Variants in FGF12 observed in about 807,000 individuals in gnomAD.
The protein encoded by FGF12 is fibroblast growth factor 12B.
FGF12 carries 14 observed loss-of-function variants against 23.6 expected under a neutral mutation model. The observed-to-expected ratio is 0.59, with a 90% CI of 0.39 to 0.93. The LOEUF (loss-of-function observed/expected upper bound fraction) is 0.93, where lower values mean the gene tolerates loss of function less well. FGF12 is among the 40% of genes least tolerant of loss of function. FGF12 has a pLI of 0.00. For synonymous variants in FGF12, 62 were observed against 77.3 expected (o/e 0.80, Z 1.04); for missense variants, 175 against 217.8 (o/e 0.80, Z 1.24).
intron 4 of FGF12, among the ~76,000 whole-genome samples, chr3:192,283,421 G>T (rs1401072913): frequency 1.3e-5 from 2 of 151,992 alleles, no homozygotes; most frequent in East Asian, 3.9e-4. Context: ...AAAGGATAAG[G>T]TTGAGCACAG....
rs1326720266 is a variant in FGF12 at position 192,408,558 on chromosome 3, A to T, written c.14-48020T>A. ...GATCGGCGTCCAAGGGGCAGTGGGG[A>T]GTTTAGTCACACTGCGTTCGGGGTA... On this transcript the variant is annotated intron_variant, in intron 2 of 5. Transcript: ENST00000445105. This position sits in a 1 kb window ranked among gnomAD's most constrained non-coding sequence, Gnocchi z 7.3. The T allele has an allele frequency of 8.8e-7, 1 of 1,139,322 alleles. No homozygotes were observed. Among genetic ancestry groups the T allele is most frequent in the African/African-American group, 1.6e-5 (1 of 61,580 alleles). 70.6% of individuals were successfully genotyped at this position (1,139,322 alleles called of 1,614,324 possible).
At chr3:192,434,408 G>A (rs11923544) in intron 2 of FGF12, among the ~76,000 whole-genome samples, 67,200 of 152,062 alleles carry the variant, frequency 0.44, 15,643 homozygotes, top group South Asian at 0.53. Flanking sequence ...AAAGTGTACA[G>A]GTAAAGTTGA....
chr3:192,657,664 T>C (rs527574559), intron 2 of FGF12, among the ~76,000 whole-genome samples: 61 of 152,326 alleles, frequency 4.0e-4, no homozygotes, highest in Non-Finnish European at 7.1e-4. Flanking sequence ...AAAATACAGG[T>C]AGTAGACATT....
intron 2 of FGF12, among the ~76,000 whole-genome samples, chr3:192,454,681 G>A (rs1428839088): frequency 6.6e-6 from 1 of 151,980 alleles, no homozygotes; most frequent in Non-Finnish European, 1.5e-5. Context: ...CTTTTCACAC[G>A]GCAAAGAAAG....
chr3:192,493,997 G>C (rs1723877551), intron 2 of FGF12, among the ~76,000 whole-genome samples: 1 of 152,150 alleles, frequency 6.6e-6, no homozygotes, highest in Non-Finnish European at 1.5e-5. Context: ...GATCAGAAGA[G>C]AATGACAGAA....
chr3:192,273,354 A>T (rs780297776), intron 4 of FGF12, among the ~76,000 whole-genome samples: 4 of 152,198 alleles, frequency 2.6e-5, no homozygotes, highest in Non-Finnish European at 4.4e-5. Context: ...GAGAAAGAAG[A>T]AAACTTCACA....
At chr3:192,442,999 G>C (rs1392181397) in intron 2 of FGF12, among the ~76,000 whole-genome samples, 1 of 151,944 alleles carries the variant, frequency 6.6e-6, no homozygotes, top group African/African-American at 2.4e-5. Context: ...AGTAGAGACG[G>C]GGTTTCACCA....
chr3:192,232,513 G>T (rs556242765), intron 4 of FGF12, among the ~76,000 whole-genome samples: 28 of 147,472 alleles, frequency 1.9e-4, no homozygotes, highest in African/African-American at 6.3e-4. Flanking sequence ...CCATGCACGT[G>T]TATTTATTTA....
At chr3:192,686,815 A>ATTTTTTTTTTTTTTTTTTTTTTT (rs57045697) in intron 2 of FGF12, among the ~76,000 whole-genome samples, 1 of 61,434 alleles carries the variant, frequency 1.6e-5, no homozygotes, top group African/African-American at 8.2e-5. Flanking sequence ...TTTTTCTCTA[A>ATTTTTTTTTTTTTTTTTTTTTTT]TTTTTTTTTT....
intron 4 of FGF12, among the ~76,000 whole-genome samples, chr3:192,189,977 C>T (rs754262178): frequency 6.6e-6 from 1 of 151,912 alleles, no homozygotes; most frequent in Non-Finnish European, 1.5e-5. Flanking sequence ...CTATGTGAAA[C>T]ATAGAAGGTC....
At chr3:192,370,903 G>A (rs928971345) in intron 2 of FGF12, among the ~76,000 whole-genome samples, 1 of 152,160 alleles carries the variant, frequency 6.6e-6, no homozygotes, top group Non-Finnish European at 1.5e-5. Flanking sequence ...TCTTCCTAAG[G>A]GAGCACTATT....
At chr3:192,547,480 G>C (rs1725524016) in intron 2 of FGF12, among the ~76,000 whole-genome samples, 1 of 152,082 alleles carries the variant, frequency 6.6e-6, no homozygotes, top group Admixed American at 6.5e-5. Context: ...ATGATACCAA[G>C]TTATTTCAGG....
intron 2 of FGF12, among the ~76,000 whole-genome samples, chr3:192,476,344 T>G (rs545250316): frequency 2.6e-5 from 4 of 152,186 alleles, no homozygotes; most frequent in Non-Finnish European, 5.9e-5. Flanking sequence ...CCCAGAGGTC[T>G]CTAACAAAAA....
intron 2 of FGF12, among the ~76,000 whole-genome samples, chr3:192,625,441 A>G (rs1309549156): frequency 6.6e-6 from 1 of 152,090 alleles, no homozygotes; most frequent in Non-Finnish European, 1.5e-5. Flanking sequence ...ATATTTCCAT[A>G]TGTTTAATAG....
chr3:192,597,681 T>G (rs952358842), intron 2 of FGF12, among the ~76,000 whole-genome samples: 1 of 152,076 alleles, frequency 6.6e-6, no homozygotes, highest in African/African-American at 2.4e-5. Flanking sequence ...TCGGAGAAAC[T>G]GGCCACTCTG....
At chr3:192,715,116 C>T (rs1483541405) in intron 2 of FGF12, among the ~76,000 whole-genome samples, 1 of 152,136 alleles carries the variant, frequency 6.6e-6, no homozygotes, top group Non-Finnish European at 1.5e-5. Context: ...ATAATTAAAG[C>T]TTTGTAAGTA....
At chr3:192,418,741 C>T (rs1353001669) in intron 2 of FGF12, among the ~76,000 whole-genome samples, 1 of 152,134 alleles carries the variant, frequency 6.6e-6, no homozygotes, top group Non-Finnish European at 1.5e-5. Flanking sequence ...CTTGCTCTTG[C>T]TCCAGCCATG....
At chr3:192,557,593 G>T (rs944117927) in intron 2 of FGF12, among the ~76,000 whole-genome samples, 1 of 151,906 alleles carries the variant, frequency 6.6e-6, no homozygotes, top group Admixed American at 6.6e-5. Flanking sequence ...TGATAGCAAA[G>T]ACAAACAAAG....
chr3:192,471,138 G>A (rs922453921), intron 2 of FGF12, among the ~76,000 whole-genome samples: 2 of 152,166 alleles, frequency 1.3e-5, no homozygotes, highest in East Asian at 1.9e-4. Flanking sequence ...TACTAGGAAC[G>A]GTGCCTGGCA....
Sources: gnomAD v4.1 joint callset for allele counts (sites outside exome capture counted in the v4.1 genomes callset) on GRCh38, gnomAD v4.1.1 for gene constraint, Gnocchi (gnomAD v3.1) non-coding constraint, MANE v1.5 for transcripts, NCBI Gene and HGNC (gene_info 2026-07-23, HGNC 2026-07-21) for gene names.